KLB: variants seen among roughly 807,000 people sequenced by gnomAD.
KLB encodes the protein klotho beta.
Under a neutral mutation model 88.4 loss-of-function variants are expected in KLB, and 44 were observed. That is an observed-to-expected ratio of 0.50 (90% confidence interval 0.39 to 0.64). The LOEUF (loss-of-function observed/expected upper bound fraction) is 0.64. Among genes scored for constraint, KLB ranks in the 30% least tolerant of loss-of-function variants. The probability of loss-of-function intolerance (pLI) is 0.00; values close to 1 mark genes in which losing one functional copy is unlikely to be tolerated. For synonymous variants in KLB, 548 were observed against 513.4 expected, an observed-to-expected ratio of 1.07 and a Z score of -0.91; for missense variants, 1,137 against 1,304.8, an observed-to-expected ratio of 0.87 and a Z score of 1.98.
chr4:39,407,741 A>C lies in KLB; in HGVS notation c.792A>C (p.Ala264=). Residue 264 remains alanine, a synonymous_variant, in exon 1 of 5, where the codon GCA becomes GCC. Transcript: ENST00000257408. ...MHAPGEKGNL[A]AVYTVGHNLI... The stretch of plus-strand genomic sequence containing the variant: ...CCCCTGGAGAGAAGGGAAATTTAGC[A>C]GCTGTCTACACTGTGGGACACAACT... 1 of 1,606,088 alleles carries C rather than the reference A, an allele frequency of 6.2e-7. No individual in the cohort carries two copies. Among genetic ancestry groups the C allele is most frequent in the Non-Finnish European group, 8.5e-7 (1 of 1,173,406 alleles).
intron 1 of KLB, among the ~76,000 whole-genome samples, chr4:39,414,556 A>G (rs1742926308): frequency 6.6e-6 from 1 of 152,006 alleles, no homozygotes. Flanking sequence ...TTACTTTTTA[A>G]AAAAGCTTTT....
intron 2 of KLB, among the ~76,000 whole-genome samples, chr4:39,436,709 TTTTG>T (rs1391192649): frequency 1.3e-5 from 2 of 149,798 alleles, no homozygotes; most frequent in East Asian, 3.9e-4. Flanking sequence ...CTTTTCTCTT[TTTTG>T]TTTTTTTTTC....
chr4:39,435,754 T>C (rs1169268800), intron 2 of KLB, among the ~76,000 whole-genome samples: 1 of 152,202 alleles, frequency 6.6e-6, no homozygotes, highest in East Asian at 1.9e-4. Flanking sequence ...GACAGCACTT[T>C]TTTATGTTAT....
intron 1 of KLB, among the ~76,000 whole-genome samples, chr4:39,429,329 T>A (rs1204852086): frequency 6.6e-6 from 1 of 152,216 alleles, no homozygotes; most frequent in Non-Finnish European, 1.5e-5. Flanking sequence ...TCCTGTCATG[T>A]CTTCCTCTGG....
At position 39,407,507 on chromosome 4, in the gene KLB, C is replaced by T. The variant is rs1040917448; in HGVS notation, c.558C>T (p.Asn186=). The change falls in exon 1 of 5, where the codon AAC becomes AAT. Residue 186 remains asparagine (N), a synonymous_variant. Transcript: ENST00000257408. The part of the protein sequence containing the change: ...STLLDALVLR[N]IEPIVTLYHW... ...TTCTGGACGCTCTAGTGCTTAGAAACATTGAACCTATAGTTACTTTATACC... is the reference window on the plus strand; with the variant it reads ...TTCTGGACGCTCTAGTGCTTAGAAATATTGAACCTATAGTTACTTTATACC... The T allele has an allele frequency of 1.9e-6, 3 of 1,614,146 alleles. No individual in the cohort carries two copies. Among genetic ancestry groups the T allele is most frequent in the Admixed American group, 1.7e-5 (1 of 60,022 alleles).
rs1451168488 is a variant in KLB, at chr4:39,446,733, C to T, written c.2007C>T (p.Ala669=). 1 of 1,606,080 alleles carries T rather than the reference C, an allele frequency of 6.2e-7. No individual in the cohort carries two copies. ...DGWLNPSTAE[A]FQAYAGLCFQ... The stretch of plus-strand genomic sequence containing the variant: ...GGCTGAACCCATCGACGGCCGAGGC[C>T]TTCCAGGCCTACGCTGGGCTGTGCT... Residue 669 remains alanine (A), a synonymous_variant, in exon 4 of 5, where the codon GCC becomes GCT. Transcript: ENST00000257408. The surrounding 1 kb of genome is among the most constrained non-coding windows in gnomAD (Gnocchi z 6.4).
At chr4:39,427,572 A>C (rs772049840) in intron 1 of KLB, among the ~76,000 whole-genome samples, 5 of 152,180 alleles carry the variant, frequency 3.3e-5, no homozygotes, top group African/African-American at 4.8e-5. Flanking sequence ...TAATCCCAAA[A>C]GGACAACGAG....
At chr4:39,437,598 C>G in intron 2 of KLB, 129 bp from the exon 3 acceptor site, 1 of 1,054,986 alleles carries the variant, frequency 9.5e-7, no homozygotes, top group Non-Finnish European at 1.4e-6. Context: ...CTATTTGATA[C>G]AGCAGACCTG....
chr4:39,418,342 C>G (rs1403179604), intron 1 of KLB, among the ~76,000 whole-genome samples: 1 of 151,980 alleles, frequency 6.6e-6, no homozygotes. Flanking sequence ...CTGGTTCAAG[C>G]GATTCTCCTG....
At chr4:39,414,236 A>G (rs936095196) in intron 1 of KLB, among the ~76,000 whole-genome samples, 9 of 152,058 alleles carry the variant, frequency 5.9e-5, no homozygotes, top group African/African-American at 2.2e-4. Context: ...TGCCTCAAGG[A>G]GATCTTCACC....
chr4:39,430,768 T>A (rs892600466), intron 1 of KLB, among the ~76,000 whole-genome samples: 6 of 151,026 alleles, frequency 4.0e-5, no homozygotes, highest in African/African-American at 1.5e-4. Context: ...GTCCAGCTAA[T>A]TTTTATATTT....
chr4:39,412,706 C>T (rs891691597), intron 1 of KLB, among the ~76,000 whole-genome samples: 1 of 152,100 alleles, frequency 6.6e-6, no homozygotes, highest in African/African-American at 2.4e-5. Flanking sequence ...AGCACTCATA[C>T]GACATGATAC....
intron 1 of KLB, among the ~76,000 whole-genome samples, chr4:39,408,948 G>A (rs1742783446): frequency 7.4e-6 from 1 of 135,320 alleles, no homozygotes; most frequent in Non-Finnish European, 1.6e-5. Flanking sequence ...TACAGAAGTA[G>A]AAAAAAAATA....
chr4:39,438,771 G>A (rs1743534066), intron 3 of KLB, among the ~76,000 whole-genome samples: 1 of 151,992 alleles, frequency 6.6e-6, no homozygotes, highest in African/African-American at 2.4e-5. Flanking sequence ...CCTTTTAGTT[G>A]TTATTATTAT....
intron 3 of KLB, 120 bp downstream of exon 3, chr4:39,438,115 G>T: frequency 2.2e-6 from 2 of 924,376 alleles, no homozygotes; most frequent in Non-Finnish European, 3.2e-6. Flanking sequence ...TTGTATGGAG[G>T]TTATGAAGGA....
chr4:39,415,678 G>T (rs1742950076), intron 1 of KLB, among the ~76,000 whole-genome samples: 1 of 151,792 alleles, frequency 6.6e-6, no homozygotes, highest in African/African-American at 2.4e-5. Context: ...ATTTAAATAG[G>T]CCTTAAAATA....
rs540099839 is a variant in KLB, at chr4:39,451,385, C to T, written c.*2699C>T. ...GTTGTGAAAAATCTAACGTGTTTAT[C>T]GTATATTCAATGTAACAACCTGGAG... On this transcript the variant is annotated 3_prime_UTR_variant, in exon 5 of 5. Transcript: ENST00000257408. 6.6e-6 allele frequency: 1 copy of T among 152,278 alleles called. No homozygotes were observed. Among genetic ancestry groups the T allele is most frequent in the African/African-American group, 2.4e-5 (1 of 41,560 alleles). 9.4% of individuals were successfully genotyped at this position (152,278 alleles called of 1,614,324 possible).
Position 39,448,292 on chromosome 4 carries a change from C to T in KLB, c.2750-9C>T, listed in dbSNP as rs369892431. 4.4e-5 allele frequency: 68 copies of T among 1,546,162 alleles called. No homozygotes were observed. The highest frequency in any genetic ancestry group is 7.4e-5 in the South Asian group (6 of 80,680). Reference sequence around the variant, plus strand: ...TTTGTGATTAATGTTAATTTCTTATCTTTTTCAGCATACCTGATTGATAAA... The same window carrying T: ...TTTGTGATTAATGTTAATTTCTTATTTTTTTCAGCATACCTGATTGATAAA... On this transcript the variant is annotated splice_polypyrimidine_tract_variant and intron_variant, in intron 4 of 4. Transcript: ENST00000257408.
At chr4:39,413,649 G>A (rs1253388763) in intron 1 of KLB, among the ~76,000 whole-genome samples, 3 of 151,762 alleles carry the variant, frequency 2.0e-5, no homozygotes, top group South Asian at 2.1e-4. Flanking sequence ...ACTTAAGCCC[G>A]GGAGGTCAAG....
Sources: allele counts gnomAD v4.1 joint callset (sites outside exome capture counted in the v4.1 genomes callset), GRCh38; gene constraint gnomAD v4.1.1; non-coding constraint Gnocchi (gnomAD v3.1); transcripts MANE v1.5; gene names NCBI Gene and HGNC (gene_info 2026-07-23, HGNC 2026-07-21).